The following TMEM132C variants were observed in gnomAD, a reference collection of about 807,000 sequenced individuals.
The protein encoded by TMEM132C is transmembrane protein 132C, also known as protein phosphatase 1, regulatory subunit 152.
Under a neutral mutation model 61.4 loss-of-function variants are expected in TMEM132C, and 29 were observed. That is an observed-to-expected ratio of 0.47 (90% CI 0.35 to 0.64). The LOEUF (loss-of-function observed/expected upper bound fraction) is 0.64, where lower values mean the gene tolerates loss of function less well. TMEM132C is among the 30% of genes least tolerant of loss of function. TMEM132C has a pLI of 0.00. For synonymous variants in TMEM132C, 656 were observed against 633.1 expected (o/e 1.04, Z -0.54); for missense variants, 1,408 against 1,476.9 (o/e 0.95, Z 0.76).
intron 3 of TMEM132C, among the ~76,000 whole-genome samples, chr12:128,557,995 C>G (rs543291464): frequency 6.6e-6 from 1 of 152,190 alleles, no homozygotes; most frequent in Non-Finnish European, 1.5e-5. Flanking sequence ...GGAAGTCGCG[C>G]GGTTTCGCGC....
Position 128,600,355 on chromosome 12 carries a change from G to A in TMEM132C, c.1122-15797G>A, listed in dbSNP as rs111389722. ...TTCTCCTTGCTGCTGCCATGTGAAG[G>A]ACATGTTTACTTCTCCTTCCACCAT... On this transcript the variant is annotated intron_variant, in intron 3 of 8. Coordinates refer to ENST00000435159, the MANE Select transcript of TMEM132C (RefSeq NM_001136103.3). 2.6e-3 allele frequency among the ~76,000 whole-genome samples: 391 copies of A among 152,246 alleles called. 1 individual carries two copies. Among genetic ancestry groups the A allele is most frequent in the African/African-American group, 8.8e-3 (364 of 41,540 alleles).
At chr12:128,659,207 A>G (rs1222052065) in intron 4 of TMEM132C, among the ~76,000 whole-genome samples, 2 of 152,162 alleles carry the variant, frequency 1.3e-5, no homozygotes, top group African/African-American at 4.8e-5. Context: ...GAGAATGTAA[A>G]AATCATTCTT....
Position 128,587,407 on chromosome 12 carries a change from A to G in TMEM132C, c.1122-28745A>G, listed in dbSNP as rs370595202. Among the ~76,000 whole-genome samples, 10 of 152,244 alleles carry G rather than the reference A, an allele frequency of 6.6e-5. No homozygotes were observed. In the South Asian group the frequency reaches 2.1e-3, roughly 32 times the overall value. Reference sequence around the variant, plus strand: ...GGAGCTCTCTGGGACTTCACTGGTAATGTCACTAAGCCAAGTCATGGAAGG... The same window carrying G: ...GGAGCTCTCTGGGACTTCACTGGTAGTGTCACTAAGCCAAGTCATGGAAGG... On this transcript the variant is annotated intron_variant, in intron 3 of 8. Transcript: ENST00000435159.
intron 3 of TMEM132C, among the ~76,000 whole-genome samples, chr12:128,579,738 G>T (rs528382089): frequency 6.6e-6 from 1 of 152,298 alleles, no homozygotes; most frequent in African/African-American, 2.4e-5. Context: ...AGGAGAGAGG[G>T]AAGCAGAGGA....
chr12:128,664,108 A>G (rs1421606989), intron 4 of TMEM132C, among the ~76,000 whole-genome samples: 3 of 146,088 alleles, frequency 2.1e-5, no homozygotes, highest in Non-Finnish European at 3.0e-5. Context: ...GCACACAGGC[A>G]CACGCACCCG....
chr12:128,619,781 T>A (rs1367467423), intron 4 of TMEM132C, among the ~76,000 whole-genome samples: 1 of 152,104 alleles, frequency 6.6e-6, no homozygotes, highest in East Asian at 1.9e-4. Flanking sequence ...GAAGGAGCAT[T>A]TGGGACAACT....
rs1385238751 is a variant in TMEM132C, at chr12:128,705,570, G to A, written c.2602G>A (p.Val868Met). 15 of 1,551,106 alleles carry A rather than the reference G, an allele frequency of 9.7e-6. No homozygotes were observed. Among genetic ancestry groups the A allele is most frequent in the African/African-American group, 1.4e-5 (1 of 73,048 alleles). The stretch of plus-strand genomic sequence containing the variant: ...GGCCAGGTCCCTGCTGGACAACAAA[G>A]TGGTGAAGAACAGTCGGGCAGACGG... ...TTARSLLDNK[V>M]VKNSRADGGR... The change falls in exon 9 of 9, where the codon GTG (valine) becomes ATG (methionine). Residue 868 changes from valine (V) to methionine (M), a missense_variant. Transcript: ENST00000435159.
intron 2 of TMEM132C, among the ~76,000 whole-genome samples, chr12:128,506,217 C>T (rs960662643): frequency 6.6e-6 from 1 of 152,154 alleles, no homozygotes; most frequent in African/African-American, 2.4e-5. Flanking sequence ...CAGGAGAAAG[C>T]AGTGGGGAAT....
chr12:128,294,619 G>C (rs79853638), intron 1 of TMEM132C, among the ~76,000 whole-genome samples: 34,590 of 151,928 alleles, frequency 0.23, 4,403 homozygotes, highest in East Asian at 0.5. Context: ...AGAGCCCAGA[G>C]ATCCAAGATC....
intron 3 of TMEM132C, among the ~76,000 whole-genome samples, chr12:128,592,763 C>G (rs1875801620): frequency 6.6e-6 from 1 of 152,232 alleles, no homozygotes; most frequent in African/African-American, 2.4e-5. Flanking sequence ...CCCCAGGCTC[C>G]CAGATTCCCT....
intron 1 of TMEM132C, among the ~76,000 whole-genome samples, chr12:128,289,537 C>A (rs1022473047): frequency 1.1e-4 from 16 of 152,308 alleles, no homozygotes; most frequent in African/African-American, 2.9e-4. Flanking sequence ...CAGCTGAAAA[C>A]ACATGCAAGC....
chr12:128,408,155 G>A (rs1465764878), intron 1 of TMEM132C, among the ~76,000 whole-genome samples: 2 of 152,138 alleles, frequency 1.3e-5, no homozygotes, highest in Non-Finnish European at 2.9e-5. Context: ...CTCATGTGAA[G>A]GATAAAGAGT....
At position 128,706,049 on chromosome 12, in the gene TMEM132C, G is replaced by A. The variant is rs773037333; in HGVS notation, c.3081G>A (p.Arg1027=). The A allele has an allele frequency of 1.9e-6, 3 of 1,551,704 alleles. No individual in the cohort carries two copies. Among genetic ancestry groups the A allele is most frequent in the South Asian group, 1.2e-5 (1 of 84,066 alleles). ...AGCACGTGCAGAGCCAGATTCACAG[G>A]TCAGCCGACTCCGGGGGGCGGCAGG... The part of the protein sequence containing the change: ...SHKHVQSQIH[R]SADSGGRQGR... The change falls in exon 9 of 9, where the codon AGG becomes AGA. Residue 1027 remains arginine (R), a synonymous_variant. Transcript: ENST00000435159.
At position 128,507,140 on chromosome 12, in the gene TMEM132C, G is replaced by A. The variant is rs1180245586; in HGVS notation, c.975-36817G>A. 2.0e-5 allele frequency among the ~76,000 whole-genome samples: 3 copies of A among 152,074 alleles called. No homozygotes were observed. In the East Asian group the frequency reaches 5.8e-4, roughly 29 times the overall value. On this transcript the variant is annotated intron_variant, in intron 2 of 8. Transcript: ENST00000435159. ...TTTTTTCTTGCTTAAATCAGTCTGAGTTGGGTTTCTGCTGCTTACAACCAA... is the reference window on the plus strand; with the variant it reads ...TTTTTTCTTGCTTAAATCAGTCTGAATTGGGTTTCTGCTGCTTACAACCAA...
intron 3 of TMEM132C, among the ~76,000 whole-genome samples, chr12:128,550,953 A>G (rs758303612): frequency 2.6e-5 from 4 of 151,880 alleles, no homozygotes; most frequent in African/African-American, 9.7e-5. Flanking sequence ...ACTGCAGACA[A>G]CTCTGAATTG....
rs1249604977 is a variant in TMEM132C at position 128,705,546 on chromosome 12, G to T, written c.2578G>T (p.Ala860Ser). 3.2e-6 allele frequency: 5 copies of T among 1,550,984 alleles called. No individual in the cohort carries two copies. Among genetic ancestry groups the T allele is most frequent in the Non-Finnish European group, 4.4e-6 (5 of 1,147,006 alleles). The change falls in exon 9 of 9, where the codon GCC becomes TCC. Residue 860 changes from alanine to serine, a missense_variant. Ala to Ser is a moderately conservative substitution (Grantham distance 99). Coordinates refer to ENST00000435159, the MANE Select transcript of TMEM132C (RefSeq NM_001136103.3). ...EGALRRATTTARSLLDNKVVK... is the reference protein window; with the variant it reads ...EGALRRATTTSRSLLDNKVVK... ...GGCTCTCCGAAGAGCCACTACCACG[G>T]CCAGGTCCCTGCTGGACAACAAAGT...
At chr12:128,698,634 G>A (rs1482926977) in intron 8 of TMEM132C, among the ~76,000 whole-genome samples, 2 of 152,352 alleles carry the variant, frequency 1.3e-5, no homozygotes, top group South Asian at 4.1e-4. Flanking sequence ...CTTTTCCTGG[G>A]AATGGCTGCT....
intron 5 of TMEM132C, among the ~76,000 whole-genome samples, chr12:128,675,137 T>C (rs372469905): frequency 3.6e-4 from 55 of 152,274 alleles, no homozygotes; most frequent in African/African-American, 1.3e-3. Context: ...TCCTCCTCAA[T>C]TTCATTCAGC....
chr12:128,541,391 A>C (rs1014775166), intron 2 of TMEM132C, among the ~76,000 whole-genome samples: 2 of 152,120 alleles, frequency 1.3e-5, no homozygotes, highest in Non-Finnish European at 2.9e-5. Flanking sequence ...GTCAGTGGTG[A>C]TGAGCCCCTC....
Sources: allele counts gnomAD v4.1 joint callset (sites outside exome capture counted in the v4.1 genomes callset), GRCh38; gene constraint gnomAD v4.1.1; transcripts MANE v1.5; gene names NCBI Gene and HGNC (gene_info 2026-07-23, HGNC 2026-07-21).